The following RASAL2 variants were observed in gnomAD, a reference collection of about 807,000 sequenced individuals.
The protein encoded by RASAL2 is ras GTPase-activating protein nGAP.
RASAL2 carries 58 observed loss-of-function variants against 128.9 expected under a neutral mutation model. That is an observed-to-expected ratio of 0.45 (90% CI 0.36 to 0.56). RASAL2 has a LOEUF of 0.56. Ranked by LOEUF, RASAL2 falls within the 20% of genes least tolerant of loss-of-function variation. The probability of loss-of-function intolerance (pLI) is 0.00; values close to 1 mark genes in which losing one functional copy is unlikely to be tolerated. For synonymous variants in RASAL2, 561 were observed against 580.8 expected (o/e 0.97, Z 0.49); for missense variants, 1,360 against 1,601.6 (o/e 0.85, Z 2.57).
intron 1 of RASAL2, among the ~76,000 whole-genome samples, chr1:178,253,613 G>A (rs1665162655): frequency 6.6e-6 from 1 of 152,050 alleles, no homozygotes; most frequent in South Asian, 2.1e-4. Flanking sequence ...GGGTGGGGCT[G>A]TTTTATAAGA....
At chr1:178,444,353 A>G (rs1264313290) in intron 8 of RASAL2, among the ~76,000 whole-genome samples, 1 of 152,108 alleles carries the variant, frequency 6.6e-6, no homozygotes, top group Non-Finnish European at 1.5e-5. Context: ...CGTTACCCCC[A>G]AGAGTTTCCT....
At chr1:178,117,014 A>G (rs1411144553) in intron 1 of RASAL2, among the ~76,000 whole-genome samples, 1 of 152,250 alleles carries the variant, frequency 6.6e-6, no homozygotes, top group East Asian at 1.9e-4. Flanking sequence ...TAAAACATTC[A>G]TACATAATAT....
chr1:178,463,064 ATATT>A (rs2102932641), intron 14 of RASAL2, among the ~76,000 whole-genome samples: 1 of 152,224 alleles, frequency 6.6e-6, no homozygotes, highest in Admixed American at 6.5e-5. Flanking sequence ...TTCTTTTAAA[ATATT>A]TATTTAGAGT....
At chr1:178,214,583 G>C (rs1481440941) in intron 1 of RASAL2, among the ~76,000 whole-genome samples, 1 of 146,564 alleles carries the variant, frequency 6.8e-6, no homozygotes, top group Non-Finnish European at 1.5e-5. Context: ...TTTTGAGACA[G>C]AGTCTCGCTC....
chr1:178,196,675 A>G (rs1217635689), intron 1 of RASAL2, among the ~76,000 whole-genome samples: 2 of 152,230 alleles, frequency 1.3e-5, no homozygotes, highest in African/African-American at 4.8e-5. Flanking sequence ...ACCATCTTAT[A>G]TAAGAGACTT....
intron 3 of RASAL2, among the ~76,000 whole-genome samples, chr1:178,319,867 G>A (rs1395275302): frequency 6.6e-6 from 1 of 152,196 alleles, no homozygotes; most frequent in Non-Finnish European, 1.5e-5. Context: ...GAGGAGAGAC[G>A]CTCTGCGTTT....
chr1:178,369,706 G>A (rs978264973), intron 3 of RASAL2, among the ~76,000 whole-genome samples: 2 of 151,894 alleles, frequency 1.3e-5, no homozygotes, highest in Non-Finnish European at 2.9e-5. Flanking sequence ...CTTAAATCAG[G>A]ATATCTTTAG....
chr1:178,322,778 A>C (rs578163172), intron 3 of RASAL2, among the ~76,000 whole-genome samples: 1 of 152,168 alleles, frequency 6.6e-6, no homozygotes, highest in African/African-American at 2.4e-5. Flanking sequence ...CTGTATCTCC[A>C]CTGATCTATA....
At chr1:178,286,388 A>G (rs1667025598) in intron 2 of RASAL2, among the ~76,000 whole-genome samples, 1 of 151,854 alleles carries the variant, frequency 6.6e-6, no homozygotes, top group Admixed American at 6.6e-5. Flanking sequence ...TAAAATGTCC[A>G]AACTTTGAGT....
intron 17 of RASAL2, 75 bp downstream of exon 17, chr1:178,467,496 A>G: frequency 7.6e-7 from 1 of 1,323,884 alleles, no homozygotes; most frequent in Non-Finnish European, 1.1e-6. Context: ...ACCCTTGCAA[A>G]TGCCAAGGCA....
chr1:178,126,849 A>G (rs1435925943), intron 1 of RASAL2, among the ~76,000 whole-genome samples: 1 of 152,192 alleles, frequency 6.6e-6, no homozygotes, highest in African/African-American at 2.4e-5. Flanking sequence ...AGGGTGTGTC[A>G]TTCATTACAT....
chr1:178,143,616 G>T (rs1002006689), intron 1 of RASAL2, among the ~76,000 whole-genome samples: 1 of 152,024 alleles, frequency 6.6e-6, no homozygotes, highest in African/African-American at 2.4e-5. Context: ...CAAATATATG[G>T]TTCTACATAT....
At chr1:178,377,193 A>G (rs1672036897) in intron 3 of RASAL2, among the ~76,000 whole-genome samples, 1 of 152,132 alleles carries the variant, frequency 6.6e-6, no homozygotes, top group East Asian at 1.9e-4. Context: ...ACTATAGTTA[A>G]TTATTTGGCA....
chr1:178,444,839 G>T (rs973977383), intron 8 of RASAL2, among the ~76,000 whole-genome samples: 8 of 152,124 alleles, frequency 5.3e-5, no homozygotes, highest in Admixed American at 5.2e-4. Context: ...AAACTGTTAG[G>T]TGCTGGAGAT....
At chr1:178,312,727 T>C (rs1486999612) in intron 3 of RASAL2, among the ~76,000 whole-genome samples, 1 of 152,146 alleles carries the variant, frequency 6.6e-6, no homozygotes, top group Non-Finnish European at 1.5e-5. Flanking sequence ...AACACAAAAT[T>C]GATAAGTTAA....
intron 1 of RASAL2, among the ~76,000 whole-genome samples, chr1:178,155,719 C>T (rs895704254): frequency 3.3e-5 from 5 of 151,706 alleles, no homozygotes; most frequent in African/African-American, 1.2e-4. Flanking sequence ...CTGCTGAAAG[C>T]CCCCATGAAT....
rs552324768 is a variant in RASAL2, at chr1:178,473,346, C to T, written c.*107C>T. The T allele has an allele frequency of 3.3e-5, 45 of 1,371,362 alleles. No individual in the cohort carries two copies. The highest frequency in any genetic ancestry group is 1.1e-4 in the Admixed American group (5 of 46,248). The allele number at this position is 1,371,362 out of a possible 1,614,324, so 84.9% of individuals were successfully genotyped here. On this transcript the variant is annotated 3_prime_UTR_variant, in exon 18 of 18. Transcript: ENST00000367649. ...ACAGAATGTTGCTACTTCACAATGG[C>T]GATGTGGTGAGAAACTCCTGAATGA...
chr1:178,429,293 CAGTT>C (rs1230960690), intron 5 of RASAL2, among the ~76,000 whole-genome samples: 5 of 152,118 alleles, frequency 3.3e-5, no homozygotes, highest in Non-Finnish European at 7.4e-5. Context: ...CTGCCACCAA[CAGTT>C]AGTTGGTCAT....
intron 3 of RASAL2, chr1:178,341,407 G>A (rs1338429674): frequency 1.4e-6 from 2 of 1,405,058 alleles, no homozygotes; most frequent in East Asian, 2.6e-5. Flanking sequence ...GGCGGGGTTG[G>A]GGCGAGGATT....
Sources: allele counts gnomAD v4.1 joint callset (sites outside exome capture counted in the v4.1 genomes callset), GRCh38; gene constraint gnomAD v4.1.1; transcripts MANE v1.5; gene names NCBI Gene and HGNC (gene_info 2026-07-23, HGNC 2026-07-21).